The following ORC4 variants were observed in gnomAD, a reference collection of about 807,000 sequenced individuals.
ORC4 encodes origin recognition complex, subunit 4 homolog.
In ORC4, 55 loss-of-function variants were observed where a neutral mutation model predicts 63.9. The observed-to-expected ratio is 0.86, with a 90% CI of 0.69 to 1.08. ORC4 has a LOEUF of 1.08. Among genes scored for constraint, ORC4 ranks in the 50% least tolerant of loss-of-function variants. ORC4 has a pLI of 0.00. For missense variants in ORC4, 511 were observed against 504.4 expected, an observed-to-expected ratio of 1.01 and a Z score of -0.13; for synonymous variants, 150 against 168.5, an observed-to-expected ratio of 0.89 and a Z score of 0.85.
intron 1 of ORC4, among the ~76,000 whole-genome samples, chr2:147,995,244 T>G (rs186810733): frequency 2.7e-5 from 4 of 150,096 alleles, no homozygotes; most frequent in African/African-American, 9.9e-5. Context: ...GTGTCTAAAG[T>G]ATTGTAAATG....
Position 147,975,980 on chromosome 2 carries a change from A to T in ORC4, c.-17-5T>A, listed in dbSNP as rs781691017. 2.3e-6 allele frequency: 3 copies of T among 1,309,920 alleles called. No homozygotes were observed. The highest frequency in any genetic ancestry group is 2.4e-5 in the South Asian group (2 of 83,908). 81.1% of individuals were successfully genotyped at this position (1,309,920 alleles called of 1,614,324 possible). A position where few individuals can be genotyped will look rare whatever the true frequency, so the allele number is the denominator to read the frequency against. On this transcript the variant is annotated splice_polypyrimidine_tract_variant and splice_region_variant and intron_variant, in intron 1 of 13. Coordinates refer to ENST00000392857, the MANE Select transcript of ORC4 (RefSeq NM_181741.4). ...TCATTTCAACAAATTCAAATCCTTT[A>T]AAAAAATTGGCATAAATATTATAAA...
At chr2:147,951,723 T>C (rs947688319) in intron 8 of ORC4, 2 of 152,260 alleles carry the variant, frequency 1.3e-5, no homozygotes, top group Non-Finnish European at 2.9e-5. Flanking sequence ...GCCAAGGCAC[T>C]CTTCAATACC....
chr2:147,955,506 G>A, intron 6 of ORC4, 111 bp from the exon 7 acceptor site: 1 of 756,964 alleles, frequency 1.3e-6, no homozygotes, highest in South Asian at 1.6e-5. Flanking sequence ...CTAGTTATTA[G>A]AGTCATTGCC....
At chr2:147,991,837 G>GA (rs953090771) in intron 1 of ORC4, among the ~76,000 whole-genome samples, 1 of 151,458 alleles carries the variant, frequency 6.6e-6, no homozygotes, top group African/African-American at 2.4e-5. Context: ...CTCACAAAAT[G>GA]AAAAAAAGAC....
chr2:147,948,110 A>G lies in ORC4; in HGVS notation c.703T>C (p.Ser235Pro). 1 of 1,611,780 alleles carries G rather than the reference A, an allele frequency of 6.2e-7. No homozygotes were observed. The highest frequency in any genetic ancestry group is 8.5e-7 in the Non-Finnish European group (1 of 1,178,182). Reference protein sequence around the residue: ...QYVKIFKEQLSLPAEFPDKVF... With the variant: ...QYVKIFKEQLPLPAEFPDKVF... Reference sequence around the variant, plus strand: ...TTGTCTGGAAACTCTGCAGGTAGAGATAACTGTTCTTTAAATATTTTAACA... The same window carrying G: ...TTGTCTGGAAACTCTGCAGGTAGAGGTAACTGTTCTTTAAATATTTTAACA... Residue 235 changes from serine to proline, a missense_variant, in exon 9 of 14, where the codon TCT becomes CCT. Transcript: ENST00000392857.
intron 1 of ORC4, among the ~76,000 whole-genome samples, chr2:147,982,800 T>A (rs1038722087): frequency 2.0e-5 from 3 of 152,086 alleles, no homozygotes; most frequent in Non-Finnish European, 4.4e-5. Context: ...ATAGTACAGA[T>A]GAGACAAGCT....
At chr2:147,939,401 C>T (rs1469239415) in intron 10 of ORC4, among the ~76,000 whole-genome samples, 153 bp from the exon 11 acceptor site, 2 of 152,074 alleles carry the variant, frequency 1.3e-5, no homozygotes, top group East Asian at 3.9e-4. Flanking sequence ...TATTAAAATA[C>T]AGTATTTCAA....
At chr2:147,988,406 T>G (rs1573854247) in intron 1 of ORC4, among the ~76,000 whole-genome samples, 1 of 151,494 alleles carries the variant, frequency 6.6e-6, no homozygotes. Context: ...GTCGCCCTGG[T>G]GGGAGTGCAA....
intron 1 of ORC4, among the ~76,000 whole-genome samples, chr2:147,990,951 T>C (rs1691545467): frequency 6.6e-6 from 1 of 152,162 alleles, no homozygotes; most frequent in South Asian, 2.1e-4. Context: ...TCTTCACTAG[T>C]ACATGGCAGT....
At chr2:147,999,246 A>G (rs1273220443) in intron 1 of ORC4, among the ~76,000 whole-genome samples, 1 of 152,194 alleles carries the variant, frequency 6.6e-6, no homozygotes, top group Non-Finnish European at 1.5e-5. Flanking sequence ...AGGGTAAGAC[A>G]GAAGAAATCT....
At chr2:147,940,088 T>C (rs535099818) in intron 10 of ORC4, among the ~76,000 whole-genome samples, 2 of 152,318 alleles carry the variant, frequency 1.3e-5, no homozygotes, top group East Asian at 3.9e-4. Context: ...TTGTCCTTCA[T>C]TCTCCTACTG....
At position 148,006,185 on chromosome 2, in the gene ORC4, A is replaced by G. The variant is rs541340028; in HGVS notation, c.-18+14448T>C. Reference sequence around the variant, plus strand: ...CTGTGTGCTTGGGAGAGAGAGCGAAAGTAAGTATGGGACTTTGCGCTGGAA... The same window carrying G: ...CTGTGTGCTTGGGAGAGAGAGCGAAGGTAAGTATGGGACTTTGCGCTGGAA... On this transcript the variant is annotated intron_variant, in intron 1 of 13. Transcript: ENST00000392857. 8.5e-5 allele frequency among the ~76,000 whole-genome samples: 13 copies of G among 152,302 alleles called. 1 individual carries two copies. In the South Asian group the frequency reaches 2.7e-3, roughly 32 times the overall value.
intron 9 of ORC4, among the ~76,000 whole-genome samples, chr2:147,944,312 G>T (rs1688536535): frequency 6.6e-6 from 1 of 152,030 alleles, no homozygotes; most frequent in South Asian, 2.1e-4. Flanking sequence ...TAAGTAGTAG[G>T]TGGGAAAAGA....
At chr2:147,972,604 A>G (rs1283649305) in intron 4 of ORC4, 135 bp downstream of exon 4, 1 of 490,830 alleles carries the variant, frequency 2.0e-6, no homozygotes, top group Non-Finnish European at 3.5e-6. Context: ...AAAAAACAAA[A>G]AAGTAAAACA....
At chr2:147,943,741 C>G (rs527446055) in intron 9 of ORC4, among the ~76,000 whole-genome samples, 2 of 152,212 alleles carry the variant, frequency 1.3e-5, no homozygotes, top group East Asian at 1.9e-4. Context: ...ATTCAATAAA[C>G]ACAATGATAA....
chr2:147,956,843 T>C (rs1453204073), intron 6 of ORC4, among the ~76,000 whole-genome samples: 3 of 151,798 alleles, frequency 2.0e-5, no homozygotes, highest in Non-Finnish European at 4.4e-5. Context: ...AATATGAATA[T>C]GTAACATTTA....
intron 9 of ORC4, among the ~76,000 whole-genome samples, chr2:147,946,404 A>C (rs1333999300): frequency 6.6e-6 from 1 of 152,096 alleles, no homozygotes; most frequent in Non-Finnish European, 1.5e-5. Context: ...CAATCAGTTC[A>C]GGAGTTGTAG....
chr2:148,006,548 G>C (rs2105450535), intron 1 of ORC4, among the ~76,000 whole-genome samples: 1 of 152,284 alleles, frequency 6.6e-6, no homozygotes, highest in Admixed American at 6.5e-5. Flanking sequence ...AGGAAGAGTA[G>C]ACAGAACTTT....
intron 7 of ORC4, among the ~76,000 whole-genome samples, chr2:147,952,980 C>T (rs557521038): frequency 1.3e-5 from 2 of 150,914 alleles, no homozygotes; most frequent in Admixed American, 6.6e-5. Context: ...GAGCCAAGAT[C>T]GTGCCACTGC....
Sources: gnomAD v4.1 joint callset for allele counts (sites outside exome capture counted in the v4.1 genomes callset) on GRCh38, gnomAD v4.1.1 for gene constraint, MANE v1.5 for transcripts, NCBI Gene and HGNC (gene_info 2026-07-23, HGNC 2026-07-21) for gene names.